SOD2: variants seen among roughly 807,000 people sequenced by gnomAD.
SOD2 encodes the protein superoxide dismutase [Mn], mitochondrial.
In SOD2, 11 loss-of-function variants were observed where a neutral mutation model predicts 27.0. That is an observed-to-expected ratio of 0.41 (90% confidence interval 0.26 to 0.67). The LOEUF is 0.67. Ranked by LOEUF, SOD2 falls within the 30% of genes least tolerant of loss-of-function variation. The probability of loss-of-function intolerance (pLI) is 0.34; values close to 1 mark genes in which losing one functional copy is unlikely to be tolerated. For missense variants in SOD2, 250 were observed against 274.5 expected, an observed-to-expected ratio of 0.91 and a Z score of 0.63; for synonymous variants, 105 against 103.0, an observed-to-expected ratio of 1.02 and a Z score of -0.12.
chr6:159,714,574 C>T (rs1333051854), intron 1 of SOD2, among the ~76,000 whole-genome samples: 1 of 152,222 alleles, frequency 6.6e-6, no homozygotes, highest in Non-Finnish European at 1.5e-5. Context: ...CCAGGCGGTA[C>T]TCTTTCCCAC....
chr6:159,731,191 G>C (rs1778547271), upstream of SOD2, among the ~76,000 whole-genome samples: 1 of 151,754 alleles, frequency 6.6e-6, no homozygotes. Flanking sequence ...GCTGGGCATG[G>C]TGGCTCACAA....
exon 1 of SOD2, chr6:159,761,780 T>C (rs1331660571): frequency 3.8e-6 from 1 of 262,460 alleles, no homozygotes; most frequent in East Asian, 1.2e-4. Context: ...AGGCGCTCTG[T>C]AAATGCGTCC....
rs1777734251 is a variant in SOD2, at chr6:159,710,953, C to CCACTTACAT, written c.-116+16175_-116+16176insATGTAAGTG. Among the ~76,000 whole-genome samples the CCACTTACAT allele has an allele frequency of 3.7e-5, 4 of 107,550 alleles. No homozygotes were observed. In the East Asian group the frequency reaches 1.4e-3, roughly 38 times the overall value. The allele number at this position is 107,550 out of a possible 152,430, so 70.6% of individuals were successfully genotyped here. A position where few individuals can be genotyped will look rare whatever the true frequency, so the allele number is the denominator to read the frequency against. On this transcript the variant is annotated intron_variant, in intron 1 of 2. Coordinates refer to the SOD2 transcript ENST00000401980. ...ACCACCTCCATAACCACCACTCACA[C>CCACTTACAT]TGCTCTGACCTCCATAACCACCTCC...
rs1779710497 is a variant in SOD2, at chr6:159,673,422, T to C, written c.*9071A>G. On this transcript the variant is annotated 3_prime_UTR_variant, in exon 5 of 5. Transcript: ENST00000538183. The stretch of plus-strand genomic sequence containing the variant: ...GTCTCAGACCACAGTGCAATCAAAC[T>C]AGAACTCAGGATTAAGAAACTCACT... The C allele has an allele frequency of 6.6e-6, 1 of 152,014 alleles. No individual in the cohort carries two copies. The highest frequency in any genetic ancestry group is 2.1e-4 in the South Asian group (1 of 4,824). The allele number at this position is 152,014 out of a possible 1,614,324, so 9.4% of individuals were successfully genotyped here.
At chr6:159,744,930 T>C (rs936253685) in intron 1 of SOD2, among the ~76,000 whole-genome samples, 1 of 152,194 alleles carries the variant, frequency 6.6e-6, no homozygotes, top group Non-Finnish European at 1.5e-5. Context: ...TCCTTACTCC[T>C]TGGCCTCCCA....
chr6:159,738,783 A>G (rs569838815), intron 1 of SOD2, among the ~76,000 whole-genome samples: 1 of 151,896 alleles, frequency 6.6e-6, no homozygotes, highest in Non-Finnish European at 1.5e-5. Flanking sequence ...TTTAATGTGC[A>G]TTTTCCTAAT....
At chr6:159,684,606 T>A (rs561537357) in intron 4 of SOD2, among the ~76,000 whole-genome samples, 1 of 152,160 alleles carries the variant, frequency 6.6e-6, no homozygotes, top group South Asian at 2.1e-4. Context: ...AACAGTGAGA[T>A]CTGTCTCAAA....
chr6:159,739,824 CTTTTTTTTTTTTTTTTTTTTT>C lies in SOD2; in HGVS notation c.-116+5285_-116+5305del, dbSNP rs56389349. 2.6e-4 allele frequency among the ~76,000 whole-genome samples: 22 copies of C among 85,192 alleles called. 1 individual carries two copies. In the East Asian group the frequency reaches 8.4e-3, roughly 32 times the overall value. The allele number at this position is 85,192 out of a possible 152,430, so 55.9% of individuals were successfully genotyped here. A position where few individuals can be genotyped will look rare whatever the true frequency, so the allele number is the denominator to read the frequency against. Reference sequence around the variant, plus strand: ...ACTGTATTATGAACACACTTTTTACCTTTTTTTTTTTTTTTTTTTTTTTTTTTTTTTTTGCCATAATCTCAT... The same window carrying C: ...ACTGTATTATGAACACACTTTTTACCTTTTTTTTTTTTGCCATAATCTCAT... On this transcript the variant is annotated intron_variant, in intron 1 of 3. Coordinates refer to the SOD2 transcript ENST00000537657.
At chr6:159,739,483 G>A (rs1182887272) in intron 1 of SOD2, among the ~76,000 whole-genome samples, 2 of 152,124 alleles carry the variant, frequency 1.3e-5, no homozygotes, top group African/African-American at 2.4e-5. Flanking sequence ...ATTGTTAAAG[G>A]TGACTTCCAG....
Position 159,682,490 on chromosome 6 carries a change from G to T in SOD2, c.*3C>A, listed in dbSNP as rs764211880. 1 of 1,613,152 alleles carries T rather than the reference G, an allele frequency of 6.2e-7. No homozygotes were observed. The highest frequency in any genetic ancestry group is 8.5e-7 in the Non-Finnish European group (1 of 1,179,508). On this transcript the variant is annotated 3_prime_UTR_variant, in exon 5 of 5. Coordinates refer to ENST00000538183, the MANE Select transcript of SOD2 (RefSeq NM_000636.4). ...TTAACATACTCAGCATAACGATCGTGGTTTACTTTTTGCAAGCCATGTATC... is the reference window on the plus strand; with the variant it reads ...TTAACATACTCAGCATAACGATCGTTGTTTACTTTTTGCAAGCCATGTATC...
At chr6:159,702,672 A>G (rs1458751009) in intron 1 of SOD2, among the ~76,000 whole-genome samples, 14 of 146,704 alleles carry the variant, frequency 9.5e-5, no homozygotes, top group African/African-American at 3.6e-4. Flanking sequence ...AAAAAAAAAA[A>G]AAAAAAAGAA....
chr6:159,758,499 A>T (rs1238420197), intron 1 of SOD2, among the ~76,000 whole-genome samples: 1 of 152,190 alleles, frequency 6.6e-6, no homozygotes, highest in Middle Eastern at 3.2e-3. Context: ...CCTTCTGACA[A>T]CTTACTTTCT....
upstream of SOD2, among the ~76,000 whole-genome samples, chr6:159,749,923 G>A (rs1284439774): frequency 6.6e-6 from 1 of 152,142 alleles, no homozygotes; most frequent in African/African-American, 2.4e-5. Context: ...TAAGATGAGT[G>A]GAAGATAAAT....
intron 1 of SOD2, among the ~76,000 whole-genome samples, chr6:159,722,825 CA>C (rs2114840484): frequency 1.3e-5 from 2 of 152,328 alleles, no homozygotes; most frequent in East Asian, 3.9e-4. Context: ...TGTAGGAAGT[CA>C]GACTGCTATC....
At chr6:159,684,802 G>T in intron 4 of SOD2, 52 bp downstream of exon 4, 1 of 1,392,636 alleles carries the variant, frequency 7.2e-7, no homozygotes, top group South Asian at 1.4e-5. Context: ...CTAGTTGAAT[G>T]CTTTACAGTA....
At chr6:159,710,989 C>G (rs1433068836) in intron 1 of SOD2, among the ~76,000 whole-genome samples, 4 of 112,468 alleles carry the variant, frequency 3.6e-5, no homozygotes, top group African/African-American at 6.2e-5. Flanking sequence ...ATAACCACCA[C>G]TCACACTGCT....
intron 1 of SOD2, among the ~76,000 whole-genome samples, chr6:159,735,424 C>G (rs942928181): frequency 6.6e-6 from 1 of 152,150 alleles, no homozygotes; most frequent in African/African-American, 2.4e-5. Context: ...CAGTCGTGAG[C>G]CATCACGCCC....
intron 1 of SOD2, among the ~76,000 whole-genome samples, chr6:159,702,667 A>G (rs1158217810): frequency 1.3e-5 from 2 of 148,284 alleles, no homozygotes; most frequent in Non-Finnish European, 1.5e-5. Context: ...AAAAAAAAAA[A>G]AAAAAAAAAA....
At chr6:159,739,359 A>G (rs1346595387) in intron 1 of SOD2, among the ~76,000 whole-genome samples, 1 of 152,250 alleles carries the variant, frequency 6.6e-6, no homozygotes, top group Non-Finnish European at 1.5e-5. Flanking sequence ...GAAGAAATAC[A>G]TAATTTACTA....
Sources: gnomAD v4.1 joint callset for allele counts (sites outside exome capture counted in the v4.1 genomes callset) on GRCh38, gnomAD v4.1.1 for gene constraint, MANE v1.5 for transcripts, NCBI Gene and HGNC (gene_info 2026-07-23, HGNC 2026-07-21) for gene names.